The following TENM2 variants were observed in gnomAD, a reference collection of about 807,000 sequenced individuals.
TENM2 encodes the protein teneurin-2.
TENM2 carries 52 observed loss-of-function variants against 245.2 expected under a neutral mutation model. The ratio of observed to expected loss-of-function variants is 0.21; its 90% CI spans 0.17 to 0.27. The LOEUF is 0.27. Among genes scored for constraint, TENM2 ranks in the 10% least tolerant of loss-of-function variants. TENM2 has a pLI of 1.00. For synonymous variants in TENM2, 1,363 were observed against 1,438.9 expected, an observed-to-expected ratio of 0.95 and a Z score of 1.19; for missense variants, 3,046 against 3,666.8, an observed-to-expected ratio of 0.83 and a Z score of 4.37.
At chr5:167,375,912 G>C (rs558249434) in intron 2 of TENM2, among the ~76,000 whole-genome samples, 1 of 152,124 alleles carries the variant, frequency 6.6e-6, no homozygotes. Flanking sequence ...TTTCCAGGCG[G>C]CAATGCCTCA....
intron 2 of TENM2, among the ~76,000 whole-genome samples, chr5:167,637,893 T>C (rs1779306700): frequency 6.6e-6 from 1 of 151,654 alleles, no homozygotes; most frequent in South Asian, 2.1e-4. Flanking sequence ...GACGGTTTAA[T>C]AGGTGCAGCA....
chr5:168,142,833 A>T (rs1562209797), intron 12 of TENM2, among the ~76,000 whole-genome samples: 1 of 152,170 alleles, frequency 6.6e-6, no homozygotes, highest in South Asian at 2.1e-4. Flanking sequence ...GTCCTAAATG[A>T]TCCCCTGCCT....
chr5:168,032,088 C>A lies in TENM2; in HGVS notation c.1187-15339C>A, dbSNP rs72824975. On this transcript the variant is annotated intron_variant, in intron 5 of 28. Transcript: ENST00000518659. ...AGTCAAGTGTTCTGAGCCAGAGTCCCCAAGTTCAAAGCCCAGCTCTGCCAC... is the reference window on the plus strand; with the variant it reads ...AGTCAAGTGTTCTGAGCCAGAGTCCACAAGTTCAAAGCCCAGCTCTGCCAC... Among the ~76,000 whole-genome samples the A allele has an allele frequency of 5.7e-3, 874 of 152,248 alleles. 3 individuals carry two copies. Among genetic ancestry groups the A allele is most frequent in the Non-Finnish European group, 9.2e-3 (625 of 68,020 alleles).
At chr5:167,706,495 G>C (rs556559050) in intron 2 of TENM2, among the ~76,000 whole-genome samples, 1 of 151,308 alleles carries the variant, frequency 6.6e-6, no homozygotes, top group Non-Finnish European at 1.5e-5. Context: ...CCATTCATCT[G>C]TCGTGGACAT....
chr5:166,989,252 CTTTTTTT>C, the TENM2 span, among the ~76,000 whole-genome samples: 4 of 56,960 alleles, frequency 7.0e-5, no homozygotes, highest in East Asian at 6.1e-4. Context: ...CCAAGCTAAT[CTTTTTTT>C]TTTTTTTTTT....
intron 2 of TENM2, among the ~76,000 whole-genome samples, chr5:167,502,420 C>G (rs1199902614): frequency 1.3e-5 from 2 of 152,250 alleles, no homozygotes; most frequent in African/African-American, 4.8e-5. Context: ...TAAAATGCCA[C>G]TTTTAGATTA....
chr5:167,917,399 C>A (rs999223865), intron 3 of TENM2, among the ~76,000 whole-genome samples: 1 of 151,904 alleles, frequency 6.6e-6, no homozygotes, highest in Non-Finnish European at 1.5e-5. Context: ...GTAGATGTGC[C>A]GCACTGGCTT....
chr5:167,875,516 G>A (rs1202601902), intron 2 of TENM2, among the ~76,000 whole-genome samples: 2 of 152,200 alleles, frequency 1.3e-5, no homozygotes, highest in African/African-American at 4.8e-5. Flanking sequence ...GGAAGTCACT[G>A]GAGTGTGCTA....
chr5:168,258,458 G>A (rs181896622), intron 27 of TENM2, among the ~76,000 whole-genome samples: 398 of 152,148 alleles, frequency 2.6e-3, no homozygotes, highest in Admixed American at 4.5e-3. Context: ...CCGAAATCGC[G>A]CCACTGCACT....
chr5:167,840,694 A>G (rs867505997), intron 2 of TENM2, among the ~76,000 whole-genome samples: 2 of 152,324 alleles, frequency 1.3e-5, no homozygotes, highest in Middle Eastern at 3.4e-3. Flanking sequence ...ATGAGGAAGA[A>G]AAACACCAGA....
the TENM2 span, among the ~76,000 whole-genome samples, chr5:166,986,472 G>A: frequency 6.6e-6 from 1 of 152,032 alleles, no homozygotes; most frequent in Non-Finnish European, 1.5e-5. Context: ...GATAAAAACT[G>A]GAATAACTAC....
chr5:167,520,518 C>T (rs558507815), intron 2 of TENM2, among the ~76,000 whole-genome samples: 1 of 152,128 alleles, frequency 6.6e-6, no homozygotes, highest in African/African-American at 2.4e-5. Flanking sequence ...GCACAGAAAC[C>T]AGTGAAGATT....
rs963209889 is a variant in TENM2, at chr5:167,483,729, G to A, written c.502+108256G>A. ...CTGTCTCAAAATCTTTATTCTCTCT[G>A]GAATTTATTTTTCAGAAATATTAAC... On this transcript the variant is annotated intron_variant, in intron 2 of 28. Transcript: ENST00000518659. 5.4e-4 allele frequency among the ~76,000 whole-genome samples: 82 copies of A among 152,124 alleles called. 1 individual carries two copies. The Middle Eastern group carries it at 0.01, about 19-fold the overall frequency.
chr5:167,322,495 G>A (rs971570967), intron 1 of TENM2, among the ~76,000 whole-genome samples: 2 of 152,116 alleles, frequency 1.3e-5, no homozygotes, highest in Non-Finnish European at 2.9e-5. Context: ...CAAGTTGTGT[G>A]TACCTTTTCC....
chr5:167,153,076 G>A, the TENM2 span, among the ~76,000 whole-genome samples: 35,228 of 150,588 alleles, frequency 0.23, 5,067 homozygotes, highest in African/African-American at 0.4. Flanking sequence ...GCCTGAACTG[G>A]CCATCACAAT....
At chr5:167,746,346 G>A (rs548005235) in intron 2 of TENM2, among the ~76,000 whole-genome samples, 4 of 152,202 alleles carry the variant, frequency 2.6e-5, no homozygotes, top group South Asian at 4.1e-4. Flanking sequence ...CGAAATTACA[G>A]CAACCTCAAT....
chr5:167,924,144 A>G (rs180673899), intron 3 of TENM2, among the ~76,000 whole-genome samples: 8 of 152,320 alleles, frequency 5.3e-5, no homozygotes, highest in East Asian at 1.9e-4. Flanking sequence ...ATCTGGTTGC[A>G]TCGTCTCCCC....
At chr5:167,656,369 T>C (rs1754840900) in intron 2 of TENM2, among the ~76,000 whole-genome samples, 1 of 152,136 alleles carries the variant, frequency 6.6e-6, no homozygotes, top group Non-Finnish European at 1.5e-5. Context: ...TGAGCACGCA[T>C]GGCCTGTTTG....
intron 13 of TENM2, chr5:168,165,706 C>T (rs1464726787): frequency 8.3e-6 from 1 of 120,714 alleles, no homozygotes; most frequent in African/African-American, 3.1e-5. Flanking sequence ...GGCACAAAAG[C>T]AAATGAGGCA....
Sources: gnomAD v4.1 joint callset for allele counts (sites outside exome capture counted in the v4.1 genomes callset) on GRCh38, gnomAD v4.1.1 for gene constraint, MANE v1.5 for transcripts, NCBI Gene and HGNC (gene_info 2026-07-23, HGNC 2026-07-21) for gene names.